The following CPAP variants were observed in gnomAD, a reference collection of about 807,000 sequenced individuals.
The protein encoded by CPAP is centrosomal P4.1-associated protein.
At chr13:24,932,139 C>T in the CPAP span, among the ~76,000 whole-genome samples, 6 of 152,146 alleles carry the variant, frequency 3.9e-5, no homozygotes, top group East Asian at 1.9e-4. Flanking sequence ...CCCGGACCCG[C>T]GATCCCCAAA....
At chr13:24,907,919 CA>C in the CPAP span, 1 of 935,698 alleles carries the variant, frequency 1.1e-6, no homozygotes, top group Non-Finnish European at 1.7e-6. Context: ...AAGCAAAAAC[CA>C]GAAAAATATA....
At chr13:24,916,233 G>T in the CPAP span, among the ~76,000 whole-genome samples, 2 of 152,122 alleles carry the variant, frequency 1.3e-5, no homozygotes, top group South Asian at 4.1e-4. Flanking sequence ...GATGGGAAGA[G>T]TCTAGTACTG....
the CPAP span, among the ~76,000 whole-genome samples, chr13:24,904,352 TATAA>T: frequency 6.6e-6 from 1 of 152,162 alleles, no homozygotes; most frequent in Non-Finnish European, 1.5e-5. Context: ...GACGAATATA[TATAA>T]ATAGCTTAAG....
the CPAP span, chr13:24,892,655 C>G: frequency 1.1e-5 from 18 of 1,614,014 alleles, no homozygotes; most frequent in Non-Finnish European, 1.5e-5. Flanking sequence ...CAAGCTTGTC[C>G]TTCTTCTCCA....
At chr13:24,904,071 C>T in the CPAP span, 18 of 1,613,256 alleles carry the variant, frequency 1.1e-5, no homozygotes, top group Non-Finnish European at 1.4e-5. Context: ...ATGAAATAGG[C>T]CATAAATACT....
At chr13:24,891,635 C>G in the CPAP span, among the ~76,000 whole-genome samples, 1 of 152,168 alleles carries the variant, frequency 6.6e-6, no homozygotes, top group African/African-American at 2.4e-5. Flanking sequence ...CCCAGTCCCC[C>G]CAAGCCCTAC....
the CPAP span, chr13:24,908,060 TG>T: frequency 6.2e-7 from 1 of 1,613,188 alleles, no homozygotes; most frequent in Admixed American, 1.7e-5. Context: ...ATCATGTTTT[TG>T]TAAGTTCTTA....
At chr13:24,905,597 C>T in the CPAP span, 1 of 1,614,002 alleles carries the variant, frequency 6.2e-7, no homozygotes, top group Non-Finnish European at 8.5e-7. Context: ...GGATTCATTC[C>T]CAAGAACAAC....
At chr13:24,905,282 C>G in the CPAP span, 19 of 1,443,674 alleles carry the variant, frequency 1.3e-5, no homozygotes, top group Non-Finnish European at 1.8e-5. Context: ...AGCATTCTGA[C>G]AGCATACTGA....
chr13:24,897,612 C>T, the CPAP span, among the ~76,000 whole-genome samples: 13 of 152,008 alleles, frequency 8.6e-5, no homozygotes, highest in African/African-American at 2.7e-4. Flanking sequence ...CAATTCTATA[C>T]AATAATAAAA....
chr13:24,889,307 G>A, the CPAP span: 5 of 1,572,964 alleles, frequency 3.2e-6, no homozygotes, highest in South Asian at 3.3e-5. Flanking sequence ...AGATCATGCA[G>A]CCTCTTACCT....
At chr13:24,918,561 T>G in the CPAP span, among the ~76,000 whole-genome samples, 5 of 152,314 alleles carry the variant, frequency 3.3e-5, no homozygotes, top group African/African-American at 1.2e-4. Context: ...GTGTATTATA[T>G]ATGGTATTTT....
At chr13:24,897,805 T>C in the CPAP span, among the ~76,000 whole-genome samples, 1 of 152,196 alleles carries the variant, frequency 6.6e-6, no homozygotes. Context: ...TGTAAAAAGA[T>C]ACCAAACGAC....
At chr13:24,932,142 T>C in the CPAP span, among the ~76,000 whole-genome samples, 3 of 152,048 alleles carry the variant, frequency 2.0e-5, no homozygotes, top group African/African-American at 7.2e-5. Context: ...GGACCCGCGA[T>C]CCCCAAACTG....
chr13:24,885,731 G>A, the CPAP span: 1 of 1,147,108 alleles, frequency 8.7e-7, no homozygotes, highest in South Asian at 1.2e-5. Context: ...TTATTAGTAT[G>A]ATCACACATT....
At chr13:24,892,779 TG>T in the CPAP span, 1 of 1,613,988 alleles carries the variant, frequency 6.2e-7, no homozygotes, top group Non-Finnish European at 8.5e-7. Context: ...CATTTGTATC[TG>T]GCTTCTGAGA....
the CPAP span, among the ~76,000 whole-genome samples, chr13:24,915,094 A>C: frequency 6.6e-6 from 1 of 152,030 alleles, no homozygotes; most frequent in African/African-American, 2.4e-5. Flanking sequence ...TTAATTAATT[A>C]ATTAATAATA....
At chr13:24,897,384 A>T in the CPAP span, among the ~76,000 whole-genome samples, 1 of 152,210 alleles carries the variant, frequency 6.6e-6, no homozygotes, top group Admixed American at 6.5e-5. Flanking sequence ...AAGCTACATG[A>T]GGACAGGGAT....
the CPAP span, among the ~76,000 whole-genome samples, chr13:24,931,492 T>C: frequency 2.6e-5 from 4 of 152,208 alleles, no homozygotes; most frequent in South Asian, 8.3e-4. Context: ...CCAATCCCCT[T>C]GGTAATAAAT....
Sources: allele counts gnomAD v4.1 joint callset (sites outside exome capture counted in the v4.1 genomes callset), GRCh38; gene constraint gnomAD v4.1.1; transcripts MANE v1.5; gene names NCBI Gene and HGNC (gene_info 2026-07-23, HGNC 2026-07-21).